TRIM5: variants seen among roughly 807,000 people sequenced by gnomAD.
TRIM5 encodes the protein tripartite motif containing 5.
A neutral mutation model predicts 35.6 loss-of-function variants in TRIM5; 31 were observed. The observed-to-expected ratio is 0.87, with a 90% CI of 0.65 to 1.18. The LOEUF (loss-of-function observed/expected upper bound fraction) is 1.18, where lower values mean the gene tolerates loss of function less well. Among genes scored for constraint, TRIM5 ranks in the 50% most tolerant of loss-of-function variants. TRIM5 has a pLI of 0.00. For missense variants in TRIM5, 609 were observed against 591.6 expected (o/e 1.03, Z -0.31); for synonymous variants, 243 against 215.6 (o/e 1.13, Z -1.11).
intron 4 of TRIM5, among the ~76,000 whole-genome samples, chr11:5,671,485 C>A (rs1160417408): frequency 2.6e-5 from 4 of 151,806 alleles, no homozygotes; most frequent in African/African-American, 9.7e-5. Flanking sequence ...AATAGATATG[C>A]TCGAGAGATA....
the TRIM5 span, among the ~76,000 whole-genome samples, chr11:5,627,770 A>G: frequency 0.021 from 3,139 of 152,240 alleles, 65 homozygotes; most frequent in Middle Eastern, 0.041. Flanking sequence ...AACAGGCTCT[A>G]CTTTCCTTAT....
the TRIM5 span, among the ~76,000 whole-genome samples, chr11:5,633,148 T>TTC: frequency 2.0e-3 from 21 of 10,424 alleles, no homozygotes; most frequent in African/African-American, 4.4e-3. Flanking sequence ...TTTTCTTTCT[T>TTC]TTTTTTTTTT....
At chr11:5,644,736 C>T in the TRIM5 span, among the ~76,000 whole-genome samples, 1 of 152,066 alleles carries the variant, frequency 6.6e-6, no homozygotes, top group Admixed American at 6.5e-5. Flanking sequence ...TTAGCAAATT[C>T]CCAGTAGACA....
At chr11:5,603,437 A>T in the TRIM5 span, 1 of 1,614,042 alleles carries the variant, frequency 6.2e-7, no homozygotes, top group Non-Finnish European at 8.5e-7. Flanking sequence ...ATCACACCAA[A>T]TGGCAGGGAA....
chr11:5,634,518 CACACACACACACATATATAT>C, the TRIM5 span: 13 of 601,222 alleles, frequency 2.2e-5, no homozygotes, highest in Admixed American at 1.4e-4. Context: ...CACACACACA[CACACACACACACATATATAT>C]ATATATATAT....
rs569539377 is a variant in TRIM5, at chr11:5,672,031, C to T, written c.745-4320G>A. Among the ~76,000 whole-genome samples, 3 of 152,154 alleles carry T rather than the reference C, an allele frequency of 2.0e-5. No individual in the cohort carries two copies. In the East Asian group the frequency reaches 5.8e-4, roughly 29 times the overall value. On this transcript the variant is annotated intron_variant, in intron 4 of 7. Coordinates refer to ENST00000380034, the MANE Select transcript of TRIM5 (RefSeq NM_033034.3). The stretch of plus-strand genomic sequence containing the variant: ...TTTCAACATGATTAATAGCTGACTT[C>T]TCATCTGAAATAATAGATGAGAGAA...
At chr11:5,661,645 T>C (rs1850829913), downstream of TRIM5, among the ~76,000 whole-genome samples, 1 of 152,108 alleles carries the variant, frequency 6.6e-6, no homozygotes, top group Non-Finnish European at 1.5e-5. Context: ...TCAGAAGTGA[T>C]GGGGAGGGAA....
chr11:5,639,566 G>C, the TRIM5 span, among the ~76,000 whole-genome samples: 3 of 150,496 alleles, frequency 2.0e-5, no homozygotes, highest in Non-Finnish European at 4.4e-5. Context: ...TGTAGTCCCA[G>C]GTACTTGGGA....
chr11:5,617,486 CT>C, the TRIM5 span, among the ~76,000 whole-genome samples: 31,149 of 107,382 alleles, frequency 0.29, 6,408 homozygotes, highest in Non-Finnish European at 0.4. Context: ...TGGACTCAAT[CT>C]TTTTTTTTTT....
the TRIM5 span, chr11:5,611,396 G>A: frequency 7.5e-7 from 1 of 1,332,218 alleles, no homozygotes; most frequent in Non-Finnish European, 1.0e-6. Context: ...TTATCAGCAT[G>A]TGATTCTCCC....
In TRIM5 at chr11:5,680,042, ACTT is replaced by A. The variant is rs766511175; in HGVS notation, c.133_135del (p.Lys45del). On this transcript the variant is annotated inframe_deletion, in exon 2 of 8. Transcript: ENST00000380034. ...CTACTCTCTCCTTTGTCTAGCATGG[ACTT>A]CTTGTGGTTTGCAGTGAGGCATGCT... is the stretch of plus-strand genomic sequence containing the variant. 1.2e-6 allele frequency: 2 copies of A among 1,613,902 alleles called. No homozygotes were observed. Among genetic ancestry groups the A allele is most frequent in the Non-Finnish European group, 1.7e-6 (2 of 1,179,998 alleles).
chr11:5,643,664 T>G, the TRIM5 span: 1 of 1,613,528 alleles, frequency 6.2e-7, no homozygotes. Flanking sequence ...ATTTCAATCC[T>G]TGGAACTGTC....
chr11:5,674,979 T>C (rs542859081), intron 4 of TRIM5, among the ~76,000 whole-genome samples: 5 of 152,208 alleles, frequency 3.3e-5, no homozygotes, highest in Non-Finnish European at 7.4e-5. Context: ...TTGCAGAATG[T>C]GGCAATTATA....
chr11:5,595,188 T>C, the TRIM5 span: 1 of 152,174 alleles, frequency 6.6e-6, no homozygotes, highest in Non-Finnish European at 1.5e-5. Flanking sequence ...TCTCTCTCTA[T>C]ACCTCCCTCC....
intron 4 of TRIM5, among the ~76,000 whole-genome samples, chr11:5,673,515 T>C (rs1280545257): frequency 2.0e-5 from 3 of 152,114 alleles, no homozygotes; most frequent in African/African-American, 2.4e-5. Context: ...CAGTAATTAA[T>C]AGAAAAACTA....
At chr11:5,605,687 C>A in the TRIM5 span, 1 of 1,195,974 alleles carries the variant, frequency 8.4e-7, no homozygotes, top group Non-Finnish European at 1.1e-6. Flanking sequence ...TCCTTTGGCG[C>A]TATAGTGCCT....
chr11:5,592,148 T>C, the TRIM5 span, among the ~76,000 whole-genome samples: 2 of 152,168 alleles, frequency 1.3e-5, no homozygotes, highest in African/African-American at 4.8e-5. Context: ...CAAAAAGCTA[T>C]ATTTAAGTGA....
chr11:5,642,483 G>A, the TRIM5 span: 1 of 1,614,046 alleles, frequency 6.2e-7, no homozygotes, highest in Non-Finnish European at 8.5e-7. Context: ...CCAGATCTGA[G>A]TAGGATGCTG....
At chr11:5,590,116 G>A in the TRIM5 span, 137 of 155,614 alleles carry the variant, frequency 8.8e-4, 1 homozygote, top group African/African-American at 2.6e-3. Context: ...GCCTTCCTGC[G>A]GGGCAGGCCT....
Sources: allele counts gnomAD v4.1 joint callset (sites outside exome capture counted in the v4.1 genomes callset), GRCh38; gene constraint gnomAD v4.1.1; transcripts MANE v1.5; gene names NCBI Gene and HGNC (gene_info 2026-07-23, HGNC 2026-07-21).